PKD2: variants seen among roughly 807,000 people sequenced by gnomAD.
PKD2 encodes the protein polycystin-2.
Under a neutral mutation model 105.9 loss-of-function variants are expected in PKD2, and 48 were observed. The ratio of observed to expected loss-of-function variants is 0.45; its 90% confidence interval spans 0.36 to 0.58. The LOEUF is 0.58. Ranked by LOEUF, PKD2 falls within the 20% of genes least tolerant of loss-of-function variation. PKD2 has a pLI of 0.00. For synonymous variants in PKD2, 464 were observed against 481.1 expected (o/e 0.96, Z 0.46); for missense variants, 1,078 against 1,255.3 (o/e 0.86, Z 2.13).
rs552115097 is a variant in PKD2 at position 88,007,720 on chromosome 4, C to A, written c.-14C>A. 1.3e-4 allele frequency: 150 copies of A among 1,193,158 alleles called. 1 individual carries two copies. In the African/African-American group the frequency reaches 2.2e-3, roughly 18 times the overall value. 73.9% of individuals were successfully genotyped at this position (1,193,158 alleles called of 1,614,324 possible). A position where few individuals can be genotyped will look rare whatever the true frequency, so the allele number is the denominator to read the frequency against. On this transcript the variant is annotated 5_prime_UTR_variant, in exon 1 of 15. Coordinates refer to ENST00000237596, the MANE Select transcript of PKD2 (RefSeq NM_000297.4). ...CGGCGCCGCGCACCCGCGCGCCGGA[C>A]GCCAGTGACCGCGATGGTGAACTCC... is the stretch of plus-strand genomic sequence containing the variant.
At chr4:88,054,890 G>A (rs1310046081) in intron 7 of PKD2, among the ~76,000 whole-genome samples, 3 of 151,926 alleles carry the variant, frequency 2.0e-5, no homozygotes, top group African/African-American at 2.4e-5. Flanking sequence ...TCCTGACCTC[G>A]TGATCCACCC....
At chr4:88,039,058 T>C (rs1727451610) in intron 4 of PKD2, among the ~76,000 whole-genome samples, 1 of 152,174 alleles carries the variant, frequency 6.6e-6, no homozygotes, top group South Asian at 2.1e-4. Flanking sequence ...TCAAACATCT[T>C]GTGTATTAAG....
At chr4:88,042,289 A>G (rs1322714211) in intron 4 of PKD2, among the ~76,000 whole-genome samples, 5 of 152,228 alleles carry the variant, frequency 3.3e-5, no homozygotes, top group African/African-American at 4.8e-5. Flanking sequence ...GCAGCAGGCA[A>G]AGAGAGAGAG....
At chr4:88,062,967 C>A (rs1333921387) in intron 10 of PKD2, among the ~76,000 whole-genome samples, 2 of 152,172 alleles carry the variant, frequency 1.3e-5, no homozygotes, top group Non-Finnish European at 2.9e-5. Context: ...TTATGTAACA[C>A]CACCTTCAAC....
chr4:88,036,359 T>TG lies in PKD2; in HGVS notation c.843+7dup. On this transcript the variant is annotated splice_region_variant and intron_variant, in intron 3 of 14. Transcript: ENST00000237596. ...CCATGGAAGACTTCTGGAAGGTATT[T>TG]GCAAATAACTTTGAAAGTACCTCTC... The TG allele has an allele frequency of 6.2e-7, 1 of 1,612,770 alleles. No homozygotes were observed. The highest frequency in any genetic ancestry group is 1.7e-5 in the Admixed American group (1 of 60,020).
At position 88,038,280 on chromosome 4, in the gene PKD2, G is replaced by C. The variant is rs368654947; in HGVS notation, c.873G>C (p.Leu291=). The stretch of plus-strand genomic sequence containing the variant: ...CAGAAGGCTCCTTATTGGATGGGCT[G>C]TACTGGAAGATGCAGCCCAGCAACC... ...KFTEGSLLDG[L]YWKMQPSNQT... is the part of the protein sequence containing the mutation. Residue 291 remains leucine (L), a synonymous_variant, in exon 4 of 15, where the codon CTG becomes CTC. Coordinates refer to ENST00000237596, the MANE Select transcript of PKD2 (RefSeq NM_000297.4). 1 of 1,613,984 alleles carries C rather than the reference G, an allele frequency of 6.2e-7. No homozygotes were observed. The highest frequency in any genetic ancestry group is 8.5e-7 in the Non-Finnish European group (1 of 1,179,866).
intron 1 of PKD2, among the ~76,000 whole-genome samples, chr4:88,012,197 T>C (rs1424382192): frequency 6.6e-6 from 1 of 152,182 alleles, no homozygotes; most frequent in African/African-American, 2.4e-5. Flanking sequence ...ATATTCATAG[T>C]TTTGTTTTTA....
chr4:88,056,982 G>GT (rs140442909), intron 8 of PKD2, among the ~76,000 whole-genome samples: 12,168 of 150,412 alleles, frequency 0.081, 1,667 homozygotes, highest in African/African-American at 0.28. Context: ...TTTTTGTTTT[G>GT]TTTTTTTTTG....
chr4:88,024,897 G>A (rs772210279), intron 2 of PKD2, among the ~76,000 whole-genome samples: 8 of 150,368 alleles, frequency 5.3e-5, no homozygotes, highest in Non-Finnish European at 1.2e-4. Context: ...CACTTTGGGA[G>A]GCCGAGGAGG....
At position 88,007,857 on chromosome 4, in the gene PKD2, GC is replaced by G; in HGVS notation, c.128del (p.Pro43ArgfsTer74). 1 of 1,228,220 alleles carries G rather than the reference GC, an allele frequency of 8.1e-7. No individual in the cohort carries two copies. Among genetic ancestry groups the G allele is most frequent in the Non-Finnish European group, 1.0e-6 (1 of 986,096 alleles). 76.1% of individuals were successfully genotyped at this position (1,228,220 alleles called of 1,614,324 possible). A position where few individuals can be genotyped will look rare whatever the true frequency, so the allele number is the denominator to read the frequency against. ...CGCGGCCGTGGGCGCCAGCCTCGCC[GC>G]CCCGGGCGGCCTCTGCGAGCAGCGG... is the stretch of plus-strand genomic sequence containing the variant. ...GCAAVGASLA[A>X]PGGLCEQRGL... On this transcript the variant is annotated frameshift_variant, in exon 1 of 15. Coordinates refer to ENST00000237596, the MANE Select transcript of PKD2 (RefSeq NM_000297.4). LOFTEE classifies it high-confidence loss of function.
chr4:88,015,325 G>T (rs1726522329), intron 1 of PKD2, among the ~76,000 whole-genome samples: 1 of 152,156 alleles, frequency 6.6e-6, no homozygotes, highest in Non-Finnish European at 1.5e-5. Context: ...GATTGGCATT[G>T]AGTTGATATT....
intron 2 of PKD2, among the ~76,000 whole-genome samples, chr4:88,025,358 T>G (rs1726917756): frequency 6.6e-6 from 1 of 152,022 alleles, no homozygotes; most frequent in South Asian, 2.1e-4. Flanking sequence ...CTTGGGAGCC[T>G]GAGGCAGGAG....
intron 2 of PKD2, among the ~76,000 whole-genome samples, chr4:88,020,505 G>A (rs1578118900): frequency 6.6e-6 from 1 of 152,036 alleles, no homozygotes; most frequent in African/African-American, 2.4e-5. Flanking sequence ...GAGACTAGCT[G>A]TAGGAACCAT....
intron 1 of PKD2, among the ~76,000 whole-genome samples, chr4:88,015,244 G>A (rs1726519429): frequency 6.6e-6 from 1 of 152,182 alleles, no homozygotes; most frequent in Admixed American, 6.5e-5. Flanking sequence ...GTGAGCAGCA[G>A]GCTAGTGAGC....
At chr4:88,056,931 A>G (rs139790594) in intron 8 of PKD2, among the ~76,000 whole-genome samples, 69 of 152,220 alleles carry the variant, frequency 4.5e-4, no homozygotes, top group African/African-American at 1.5e-3. Context: ...TTGTCAGAAT[A>G]TTGGATCTTT....
At chr4:88,036,425 C>A in intron 3 of PKD2, 72 bp downstream of exon 3, 1 of 1,602,742 alleles carries the variant, frequency 6.2e-7, no homozygotes. Flanking sequence ...CATTTCAATG[C>A]ATGAGTATCG....
Position 88,052,839 on chromosome 4 carries a change from T to A in PKD2, c.1716+681T>A, listed in dbSNP as rs548317667. Among the ~76,000 whole-genome samples, 6 of 152,284 alleles carry A rather than the reference T, an allele frequency of 3.9e-5. No homozygotes were observed. In the South Asian group the frequency reaches 1.2e-3, roughly 32 times the overall value. On this transcript the variant is annotated intron_variant, in intron 7 of 14. Transcript: ENST00000237596. ...GGAGAGTTGCTGCACTTGGAAATGC[T>A]TGCTAGAAGGGATCGCCTCTTTTCC...
chr4:88,007,812 G>A lies in PKD2; in HGVS notation c.79G>A (p.Gly27Ser). 8.5e-7 allele frequency: 1 copy of A among 1,173,246 alleles called. No individual in the cohort carries two copies. Among genetic ancestry groups the A allele is most frequent in the Admixed American group, 4.7e-5 (1 of 21,386 alleles). 72.7% of individuals were successfully genotyped at this position (1,173,246 alleles called of 1,614,324 possible). ...GCCCGCGCCCCGCGCGCCGGACCCG[G>A]GCCGGCTGATGGCTGGCTGCGCGGC... ...RPPAPRAPDP[G>S]RLMAGCAAVG... Residue 27 changes from glycine to serine, a missense_variant, in exon 1 of 15, where the codon GGC becomes AGC. By Grantham distance (56) the Gly-to-Ser change is moderately conservative (BLOSUM62 0). Coordinates refer to ENST00000237596, the MANE Select transcript of PKD2 (RefSeq NM_000297.4).
intron 7 of PKD2, among the ~76,000 whole-genome samples, chr4:88,052,451 G>A (rs773353605): frequency 3.0e-4 from 45 of 152,026 alleles, no homozygotes; most frequent in Non-Finnish European, 5.0e-4. Flanking sequence ...AAATTTTTTC[G>A]TAGAGACAAG....
Sources: gnomAD v4.1 joint callset for allele counts (sites outside exome capture counted in the v4.1 genomes callset) on GRCh38, gnomAD v4.1.1 for gene constraint, MANE v1.5 for transcripts, NCBI Gene and HGNC (gene_info 2026-07-23, HGNC 2026-07-21) for gene names.